The following ALDH1A2 variants were observed in gnomAD, a reference collection of about 807,000 sequenced individuals.
ALDH1A2 encodes the protein aldehyde dehydrogenase 1 family member A2, also known as retinal dehydrogenase 2.
ALDH1A2 carries 27 observed loss-of-function variants against 60.3 expected under a neutral mutation model. That is an observed-to-expected ratio of 0.45 (90% CI 0.33 to 0.62). The LOEUF (loss-of-function observed/expected upper bound fraction) is 0.62, where lower values mean the gene tolerates loss of function less well. Ranked by LOEUF, ALDH1A2 falls within the 20% of genes least tolerant of loss-of-function variation. ALDH1A2 has a pLI of 0.02. For synonymous variants in ALDH1A2, 289 were observed against 232.4 expected, an observed-to-expected ratio of 1.24 and a Z score of -2.21; for missense variants, 581 against 643.8, an observed-to-expected ratio of 0.90 and a Z score of 1.06.
chr15:57,969,080 A>T (rs1893982659), intron 7 of ALDH1A2, among the ~76,000 whole-genome samples: 1 of 152,208 alleles, frequency 6.6e-6, no homozygotes, highest in Non-Finnish European at 1.5e-5. Flanking sequence ...TTCAAGAAAG[A>T]ACGGGATGTG....
chr15:58,055,124 T>C (rs1341424238), intron 1 of ALDH1A2, among the ~76,000 whole-genome samples: 2 of 152,092 alleles, frequency 1.3e-5, no homozygotes, highest in African/African-American at 4.8e-5. Context: ...ATTATGTTTG[T>C]CCTTATTGTT....
chr15:58,060,031 T>C (rs929878872), intron 1 of ALDH1A2, among the ~76,000 whole-genome samples: 2 of 152,174 alleles, frequency 1.3e-5, no homozygotes, highest in Non-Finnish European at 2.9e-5. Flanking sequence ...CAAGTGATTC[T>C]CCTGCCTCAG....
chr15:58,026,539 G>A (rs1308020125), intron 1 of ALDH1A2, among the ~76,000 whole-genome samples: 3 of 152,202 alleles, frequency 2.0e-5, no homozygotes, highest in Admixed American at 2.0e-4. Flanking sequence ...GCAGCCCACA[G>A]AGGGTGAGCC....
At chr15:57,994,472 T>TG (rs779356683) in intron 5 of ALDH1A2, among the ~76,000 whole-genome samples, 4 of 152,194 alleles carry the variant, frequency 2.6e-5, no homozygotes, top group Non-Finnish European at 5.9e-5. Flanking sequence ...TGGTCATGTT[T>TG]TGTATTGTAC....
At chr15:58,002,874 G>A (rs555374980) in intron 4 of ALDH1A2, among the ~76,000 whole-genome samples, 3 of 151,908 alleles carry the variant, frequency 2.0e-5, no homozygotes, top group Non-Finnish European at 4.4e-5. Flanking sequence ...TGTATGTACT[G>A]TAGCAGATTC....
intron 9 of ALDH1A2, 84 bp downstream of exon 9, chr15:57,963,800 GC>G (rs1169704814): frequency 1.4e-6 from 2 of 1,422,826 alleles, no homozygotes; most frequent in Non-Finnish European, 2.0e-6. Context: ...GGAAGATGTC[GC>G]TTTGCTGGGA....
At chr15:58,020,560 C>T (rs965836991) in intron 1 of ALDH1A2, among the ~76,000 whole-genome samples, 12 of 152,146 alleles carry the variant, frequency 7.9e-5, no homozygotes, top group African/African-American at 2.9e-4. Context: ...ATACCATGAA[C>T]ACATCATTCA....
chr15:58,002,798 G>T (rs1268501688), intron 4 of ALDH1A2, among the ~76,000 whole-genome samples: 3 of 151,768 alleles, frequency 2.0e-5, no homozygotes, highest in Admixed American at 6.6e-5. Context: ...ACCTTTCAAG[G>T]AGCTGGCAAT....
intron 1 of ALDH1A2, among the ~76,000 whole-genome samples, chr15:58,037,641 T>C (rs1230890029): frequency 3.3e-5 from 5 of 151,762 alleles, no homozygotes; most frequent in Non-Finnish European, 7.4e-5. Flanking sequence ...TTTGCAGACC[T>C]AGATTATGCT....
intron 4 of ALDH1A2, among the ~76,000 whole-genome samples, chr15:57,999,683 T>C (rs933052298): frequency 6.6e-6 from 1 of 151,924 alleles, no homozygotes; most frequent in East Asian, 1.9e-4. Flanking sequence ...GAACCAGAAA[T>C]ACCATTTTAC....
chr15:57,986,571 C>CAAAAA (rs71116542), intron 7 of ALDH1A2, among the ~76,000 whole-genome samples: 2 of 82,068 alleles, frequency 2.4e-5, no homozygotes, highest in Non-Finnish European at 4.3e-5. Context: ...ACAGAAAAGC[C>CAAAAA]AAAAAAAAAA....
chr15:57,972,962 T>C (rs1894120158), intron 7 of ALDH1A2, among the ~76,000 whole-genome samples: 1 of 152,162 alleles, frequency 6.6e-6, no homozygotes, highest in Non-Finnish European at 1.5e-5. Flanking sequence ...ATGGTGCTTG[T>C]ATCATGCAAC....
rs1272947714 is a variant in ALDH1A2 at position 58,014,238 on chromosome 15, A to T, written c.161T>A (p.Val54Glu). The change falls in exon 2 of 13, where the codon GTG (valine) becomes GAG (glutamate). Residue 54 changes from valine to glutamate, a missense_variant. Coordinates refer to ENST00000249750, the MANE Select transcript of ALDH1A2 (RefSeq NM_003888.4). ...NEWQNSESGR[V>E]FPVYNPATGE... ...TGTGGCTGGATTATAGACAGGGAAC[A>T]CTCTCCCACTCTCTGAGTTCTGCCA... 7.4e-6 allele frequency: 12 copies of T among 1,613,768 alleles called. No individual in the cohort carries two copies. Among genetic ancestry groups the T allele is most frequent in the Non-Finnish European group, 1.0e-5 (12 of 1,179,942 alleles).
In ALDH1A2 at chr15:58,062,045, G is replaced by A. The variant is rs145878546; in HGVS notation, c.117+3489C>T. Among the ~76,000 whole-genome samples, 94 of 152,190 alleles carry A rather than the reference G, an allele frequency of 6.2e-4. 1 individual carries two copies. In the East Asian group the frequency reaches 0.015, roughly 25 times the overall value. On this transcript the variant is annotated intron_variant, in intron 1 of 12. Coordinates refer to ENST00000249750, the MANE Select transcript of ALDH1A2 (RefSeq NM_003888.4). ...TTGAATTTAATTGAAATAGACCCCAGAAAACAGAAGTTTAAATGAATAAAT... is the reference window on the plus strand; with the variant it reads ...TTGAATTTAATTGAAATAGACCCCAAAAAACAGAAGTTTAAATGAATAAAT...
chr15:57,986,200 G>A (rs914266300), intron 7 of ALDH1A2, among the ~76,000 whole-genome samples: 4 of 152,162 alleles, frequency 2.6e-5, no homozygotes. Context: ...ATATCAGGCA[G>A]TATGGGACTA....
intron 1 of ALDH1A2, among the ~76,000 whole-genome samples, chr15:58,054,501 G>A (rs1233193865): frequency 6.6e-6 from 1 of 152,024 alleles, no homozygotes; most frequent in African/African-American, 2.4e-5. Flanking sequence ...GAGATTACAG[G>A]TAACAGAGGG....
At chr15:58,007,556 T>C (rs2140510389) in intron 4 of ALDH1A2, among the ~76,000 whole-genome samples, 1 of 152,176 alleles carries the variant, frequency 6.6e-6, no homozygotes, top group South Asian at 2.1e-4. Flanking sequence ...TTTTCTTAGA[T>C]GTAAAATGGG....
chr15:57,996,933 A>G (rs1209566902), intron 4 of ALDH1A2, among the ~76,000 whole-genome samples: 23 of 151,934 alleles, frequency 1.5e-4, no homozygotes, highest in Admixed American at 1.5e-3. Flanking sequence ...CTATTTTTCT[A>G]TTGGGTTATT....
chr15:57,961,423 A>G, intron 10 of ALDH1A2, 129 bp from the exon 11 acceptor site: 2 of 1,148,632 alleles, frequency 1.7e-6, no homozygotes, highest in Admixed American at 4.0e-5. Context: ...CAAAACTGTA[A>G]AATCTCCCAA....
Sources: allele counts gnomAD v4.1 joint callset (sites outside exome capture counted in the v4.1 genomes callset), GRCh38; gene constraint gnomAD v4.1.1; transcripts MANE v1.5; gene names NCBI Gene and HGNC (gene_info 2026-07-23, HGNC 2026-07-21).